The following ADARB1 variants were observed in gnomAD, a reference collection of about 807,000 sequenced individuals.
ADARB1 encodes the protein adenosine deaminase RNA specific B1.
Under a neutral mutation model 52.4 loss-of-function variants are expected in ADARB1, and 10 were observed. The observed-to-expected ratio is 0.19, with a 90% confidence interval of 0.12 to 0.32. The LOEUF is 0.32. ADARB1 is among the 10% of genes least tolerant of loss of function. ADARB1 has a pLI of 1.00. For synonymous variants in ADARB1, 349 were observed against 371.1 expected (o/e 0.94, Z 0.68); for missense variants, 643 against 922.3 (o/e 0.70, Z 3.92).
intron 1 of ADARB1, among the ~76,000 whole-genome samples, chr21:45,115,224 A>C (rs1307644446): frequency 6.6e-6 from 1 of 152,186 alleles, no homozygotes; most frequent in Non-Finnish European, 1.5e-5. Flanking sequence ...GGGCATGAGG[A>C]GGTGGTCTGC....
At chr21:45,136,280 C>T (rs527418368) in intron 2 of ADARB1, among the ~76,000 whole-genome samples, 18 of 152,196 alleles carry the variant, frequency 1.2e-4, no homozygotes, top group Non-Finnish European at 2.4e-4. Flanking sequence ...TCCAGGCTTC[C>T]AGCAAGCTCT....
rs777761273 is a variant in ADARB1, at chr21:45,180,400, C to T, written c.1034C>T (p.Pro345Leu). The T allele has an allele frequency of 4.8e-5, 78 of 1,614,064 alleles. No individual in the cohort carries two copies. Among genetic ancestry groups the T allele is most frequent in the Middle Eastern group, 1.6e-4 (1 of 6,084 alleles). The change falls in exon 5 of 11, where the codon CCT becomes CTT. Residue 345 changes from proline (P) to leucine (L), a missense_variant. This residue lies in a region of ADARB1 where 380 missense variants were observed against 446.5 expected (regional missense o/e 0.85). Transcript: ENST00000348831. ...FGDLTDNFSS[P>L]HARRKVLAGV... Reference sequence around the variant, plus strand: ...GACCTGACCGACAACTTCTCCTCCCCTCACGCTCGCAGAAAAGTGCTGGCT... The same window carrying T: ...GACCTGACCGACAACTTCTCCTCCCTTCACGCTCGCAGAAAAGTGCTGGCT...
In ADARB1 at chr21:45,130,485, G is replaced by A. The variant is rs1321611956; in HGVS notation, c.-48+1912G>A. On this transcript the variant is annotated intron_variant, in intron 2 of 10. Transcript: ENST00000348831. ...TTCTGTGTTACTAAATGCTAGCTGC[G>A]AATAGAAATCGTGTATTTCCTTTCT... 5.3e-5 allele frequency among the ~76,000 whole-genome samples: 8 copies of A among 152,158 alleles called. No individual in the cohort carries two copies. The East Asian group carries it at 5.8e-4, about 11-fold the overall frequency.
chr21:45,095,266 G>A (rs1306978009), intron 1 of ADARB1, among the ~76,000 whole-genome samples: 4 of 152,354 alleles, frequency 2.6e-5, no homozygotes, highest in East Asian at 1.9e-4. Context: ...CCCAGGCTGC[G>A]CTCCCTGCTT....
chr21:45,107,545 A>G (rs1354819418), intron 1 of ADARB1, among the ~76,000 whole-genome samples: 2 of 152,234 alleles, frequency 1.3e-5, no homozygotes, highest in Non-Finnish European at 2.9e-5. Flanking sequence ...CCATATATAG[A>G]TGGAAATCTA....
chr21:45,080,807 T>C (rs961012162), intron 1 of ADARB1, among the ~76,000 whole-genome samples: 1 of 152,140 alleles, frequency 6.6e-6, no homozygotes, highest in Admixed American at 6.5e-5. Context: ...CAGTTTTGCA[T>C]TTAAGACGAC....
At chr21:45,185,474 A>T (rs1398317765) in intron 8 of ADARB1, among the ~76,000 whole-genome samples, 5 of 152,214 alleles carry the variant, frequency 3.3e-5, no homozygotes, top group African/African-American at 1.2e-4. Context: ...CATTCAGTTA[A>T]CATTTTAGGT....
chr21:45,208,835 G>A lies in ADARB1; in HGVS notation c.1747+4099G>A, dbSNP rs150584077. Among the ~76,000 whole-genome samples, 4 of 152,208 alleles carry A rather than the reference G, an allele frequency of 2.6e-5. No homozygotes were observed. The highest frequency in any genetic ancestry group is 9.6e-5 in the African/African-American group (4 of 41,504). Reference sequence around the variant, plus strand: ...TTCCTCCTTGCCCTGGTTTCTAGGAGGAGTGAACGTGCCATGAGTCATTGT... The same window carrying A: ...TTCCTCCTTGCCCTGGTTTCTAGGAAGAGTGAACGTGCCATGAGTCATTGT... On this transcript the variant is annotated intron_variant, in intron 9 of 10. Coordinates refer to ENST00000348831, the MANE Select transcript of ADARB1 (RefSeq NM_001112.4). The surrounding 1 kb of genome is among the most constrained non-coding windows in gnomAD (Gnocchi z 5.6).
At position 45,167,212 on chromosome 21, in the gene ADARB1, A is replaced by G. The variant is rs114587921; in HGVS notation, c.-47-4398A>G. On this transcript the variant is annotated intron_variant, in intron 2 of 10. Transcript: ENST00000348831. ...TATTTTCTACTGCGAGACATTTTCC[A>G]TGTCCTTTTAAAAGAATTTTAATAT... Among the ~76,000 whole-genome samples, 1,365 of 152,296 alleles carry G rather than the reference A, an allele frequency of 9.0e-3. 19 individuals are homozygous for G. The highest frequency in any genetic ancestry group is 0.031 in the African/African-American group (1,301 of 41,540).
chr21:45,224,779 T>C lies in ADARB1; in HGVS notation c.*2582T>C. On this transcript the variant is annotated 3_prime_UTR_variant, in exon 11 of 11. Transcript: ENST00000348831. ...GTGCAGGGGACCAGAGGCTCTGCAC[T>C]GCTCCTAGGACAGCTCATCTGTAAT... 1.0e-6 allele frequency: 1 copy of C among 984,154 alleles called. No individual in the cohort carries two copies. The highest frequency in any genetic ancestry group is 1.2e-6 in the Non-Finnish European group (1 of 829,998). The allele number at this position is 984,154 out of a possible 1,614,324, so 61.0% of individuals were successfully genotyped here.
At chr21:45,084,245 A>G (rs1158404837) in intron 1 of ADARB1, among the ~76,000 whole-genome samples, 3 of 152,244 alleles carry the variant, frequency 2.0e-5, no homozygotes, top group East Asian at 1.9e-4. Flanking sequence ...CAGTTGTCCA[A>G]TAAATACTCA....
chr21:45,170,041 C>T (rs1601743374), intron 2 of ADARB1, among the ~76,000 whole-genome samples: 2 of 152,200 alleles, frequency 1.3e-5, no homozygotes, highest in South Asian at 4.1e-4. Flanking sequence ...TTTTATCGGT[C>T]CTTCCATAAT....
chr21:45,190,002 CTG>C (rs1172800824), intron 8 of ADARB1, among the ~76,000 whole-genome samples: 2 of 152,138 alleles, frequency 1.3e-5, no homozygotes, highest in African/African-American at 2.4e-5. Context: ...ATTTGGGAAA[CTG>C]TTAGCAATTA....
chr21:45,187,501 T>A (rs979676205), intron 8 of ADARB1, among the ~76,000 whole-genome samples: 6 of 152,226 alleles, frequency 3.9e-5, no homozygotes, highest in Non-Finnish European at 8.8e-5. Context: ...GCCCTTTATT[T>A]CTTTTTCATG....
intron 1 of ADARB1, among the ~76,000 whole-genome samples, chr21:45,114,506 C>T (rs991588406): frequency 6.6e-6 from 1 of 152,100 alleles, no homozygotes; most frequent in African/African-American, 2.4e-5. Flanking sequence ...TGCAGAGTCT[C>T]GAGGCTTAGG....
Position 45,182,691 on chromosome 21 carries a change from A to G in ADARB1, c.1185A>G (p.Ala395=), listed in dbSNP as rs762441353. 2.8e-5 allele frequency: 45 copies of G among 1,612,374 alleles called. No homozygotes were observed. Among genetic ancestry groups the G allele is most frequent in the Admixed American group, 3.4e-5 (2 of 59,538 alleles). ...GCCTTGCATTAAATGACTGCCATGC[A>G]GAAATAATATCTCGGAGATCCTTGC... is the stretch of plus-strand genomic sequence containing the variant. ...DRGLALNDCH[A]EIISRRSLLR... The change falls in exon 6 of 11, where the codon GCA becomes GCG. Residue 395 remains alanine, a synonymous_variant. Coordinates refer to ENST00000348831, the MANE Select transcript of ADARB1 (RefSeq NM_001112.4).
chr21:45,145,128 A>C (rs574370621), intron 2 of ADARB1: 1 of 152,548 alleles, frequency 6.6e-6, no homozygotes, highest in African/African-American at 2.4e-5. Context: ...AACCAAGGAG[A>C]TCTTGAGAAC....
chr21:45,223,685 C>T lies in ADARB1; in HGVS notation c.*1488C>T. On this transcript the variant is annotated 3_prime_UTR_variant, in exon 11 of 11. Transcript: ENST00000348831. ...TGGCACCTGTGTGTCCGTGATGAGC[C>T]TAGGAAACCAGAGCAGGGGCAGAGG... 1.0e-6 allele frequency: 1 copy of T among 985,530 alleles called. No individual in the cohort carries two copies. The highest frequency in any genetic ancestry group is 4.7e-5 in the South Asian group (1 of 21,288). The allele number at this position is 985,530 out of a possible 1,614,324, so 61.0% of individuals were successfully genotyped here. A position where few individuals can be genotyped will look rare whatever the true frequency, so the allele number is the denominator to read the frequency against.
chr21:45,191,915 G>GTTTTTTTT (rs2092312426), intron 8 of ADARB1, among the ~76,000 whole-genome samples: 1 of 109,924 alleles, frequency 9.1e-6, no homozygotes, highest in African/African-American at 3.9e-5. Context: ...TTTTTTTGTA[G>GTTTTTTTT]TTATCTTCAT....
Sources: gnomAD v4.1 joint callset for allele counts (sites outside exome capture counted in the v4.1 genomes callset) on GRCh38, gnomAD v4.1.1 for gene constraint, gnomAD v4.1.1 regional missense constraint, Gnocchi (gnomAD v3.1) non-coding constraint, MANE v1.5 for transcripts, NCBI Gene and HGNC (gene_info 2026-07-23, HGNC 2026-07-21) for gene names.